LRRC4C: variants seen among roughly 807,000 people sequenced by gnomAD.
LRRC4C encodes leucine rich repeat containing 4C.
In LRRC4C, 5 loss-of-function variants were observed where a neutral mutation model predicts 33.6. The ratio of observed to expected loss-of-function variants is 0.15; its 90% CI spans 0.08 to 0.31. LRRC4C has a LOEUF of 0.31. Among genes scored for constraint, LRRC4C ranks in the 10% least tolerant of loss-of-function variants. LRRC4C has a pLI of 1.00. For missense variants in LRRC4C, 560 were observed against 796.7 expected (o/e 0.70, Z 3.58); for synonymous variants, 329 against 302.0 (o/e 1.09, Z -0.93).
At chr11:40,225,191 A>G (rs974892346) in intron 5 of LRRC4C, among the ~76,000 whole-genome samples, 9 of 152,238 alleles carry the variant, frequency 5.9e-5, no homozygotes, top group Non-Finnish European at 1.0e-4. Context: ...TTGAATAGCT[A>G]AAACTTTTGT....
chr11:41,314,244 T>C (rs1252453199), intron 1 of LRRC4C, among the ~76,000 whole-genome samples: 1 of 152,224 alleles, frequency 6.6e-6, no homozygotes, highest in Non-Finnish European at 1.5e-5. Flanking sequence ...TTTTTAAAGC[T>C]GCCCTTGAAT....
At chr11:40,197,978 T>G (rs892573830) in intron 5 of LRRC4C, among the ~76,000 whole-genome samples, 1 of 152,120 alleles carries the variant, frequency 6.6e-6, no homozygotes, top group African/African-American at 2.4e-5. Context: ...CTTATAAAAC[T>G]TACATTTAAT....
At chr11:40,246,670 G>T (rs1223870246) in intron 4 of LRRC4C, among the ~76,000 whole-genome samples, 1 of 151,836 alleles carries the variant, frequency 6.6e-6, no homozygotes. Context: ...TCTGGTTTGA[G>T]CCCTCAAATC....
intron 2 of LRRC4C, among the ~76,000 whole-genome samples, chr11:40,921,081 C>A (rs531182693): frequency 6.6e-6 from 1 of 152,130 alleles, no homozygotes; most frequent in East Asian, 1.9e-4. Flanking sequence ...CCACCAGACT[C>A]AGCTAATTTT....
intron 2 of LRRC4C, among the ~76,000 whole-genome samples, chr11:40,736,387 C>A (rs2136851702): frequency 6.6e-6 from 1 of 152,190 alleles, no homozygotes; most frequent in South Asian, 2.1e-4. Flanking sequence ...TGTGTACGAG[C>A]CACATTTTCT....
chr11:41,438,443 T>G (rs1332212482), intron 1 of LRRC4C, among the ~76,000 whole-genome samples: 1 of 152,206 alleles, frequency 6.6e-6, no homozygotes, highest in Admixed American at 6.5e-5. Context: ...ACTGAGATGG[T>G]GACCTTGTAG....
intron 1 of LRRC4C, among the ~76,000 whole-genome samples, chr11:40,940,676 G>T (rs1958099925): frequency 6.6e-6 from 1 of 152,024 alleles, no homozygotes; most frequent in Admixed American, 6.6e-5. Flanking sequence ...CTCCAGAACA[G>T]GCTACAAAGT....
At position 40,908,605 on chromosome 11, in the gene LRRC4C, C is replaced by G. The variant is rs553951450; in HGVS notation, c.-407+25030G>C. 9.2e-5 allele frequency among the ~76,000 whole-genome samples: 14 copies of G among 152,146 alleles called. 1 individual carries two copies. In the East Asian group the frequency reaches 2.5e-3, roughly 27 times the overall value. Reference sequence around the variant, plus strand: ...GAAAAAATATTACATGGTAAATAAACAAACATTTAGATGATCTTCTAAAAA... The same window carrying G: ...GAAAAAATATTACATGGTAAATAAAGAAACATTTAGATGATCTTCTAAAAA... On this transcript the variant is annotated intron_variant, in intron 2 of 6. Transcript: ENST00000528697.
intron 1 of LRRC4C, among the ~76,000 whole-genome samples, chr11:41,256,638 A>G (rs1565523388): frequency 6.6e-6 from 1 of 152,040 alleles, no homozygotes; most frequent in Non-Finnish European, 1.5e-5. Flanking sequence ...AGATTTATTC[A>G]GTTTTGGACA....
intron 3 of LRRC4C, among the ~76,000 whole-genome samples, chr11:40,509,808 T>C (rs1459936649): frequency 6.6e-6 from 1 of 152,234 alleles, no homozygotes. Flanking sequence ...ACTATAGTTA[T>C]ATATTTTGTG....
At chr11:40,553,835 T>C (rs1475688365) in intron 3 of LRRC4C, among the ~76,000 whole-genome samples, 1 of 152,236 alleles carries the variant, frequency 6.6e-6, no homozygotes, top group Non-Finnish European at 1.5e-5. Flanking sequence ...AGATTCTAGA[T>C]ATTTGTCCTT....
intron 4 of LRRC4C, among the ~76,000 whole-genome samples, chr11:40,317,913 A>G (rs553938673): frequency 6.6e-6 from 1 of 152,102 alleles, no homozygotes; most frequent in East Asian, 1.9e-4. Flanking sequence ...CAAGGAGTAG[A>G]CTCTTCCTTT....
At chr11:41,409,971 G>T (rs552814335) in intron 1 of LRRC4C, among the ~76,000 whole-genome samples, 2 of 152,028 alleles carry the variant, frequency 1.3e-5, no homozygotes, top group South Asian at 2.1e-4. Flanking sequence ...CATTTGTACC[G>T]TGTAAGAAAA....
chr11:40,831,229 A>G (rs2135547000), intron 2 of LRRC4C, among the ~76,000 whole-genome samples: 1 of 152,292 alleles, frequency 6.6e-6, no homozygotes, highest in Non-Finnish European at 1.5e-5. Context: ...AATTTCTGAA[A>G]TTGTTACTTT....
At chr11:40,631,833 A>T (rs1035246568) in intron 3 of LRRC4C, among the ~76,000 whole-genome samples, 1 of 152,168 alleles carries the variant, frequency 6.6e-6, no homozygotes, top group African/African-American at 2.4e-5. Context: ...CACTATATTT[A>T]TTTGAGCTTT....
intron 2 of LRRC4C, among the ~76,000 whole-genome samples, chr11:40,761,958 C>T (rs1949235809): frequency 6.6e-6 from 1 of 152,106 alleles, no homozygotes; most frequent in Non-Finnish European, 1.5e-5. Context: ...TACTTGAGAA[C>T]TTCATTCCAT....
rs528875811 is a variant in LRRC4C, at chr11:40,215,646, C to T, written c.-96+25873G>A. On this transcript the variant is annotated intron_variant, in intron 5 of 6. Coordinates refer to ENST00000528697, the MANE Select transcript of LRRC4C (RefSeq NM_001258419.2). ...TTAGCCCAATTAACTCAGAAACTGA[C>T]GTACAAAAACAGGCAGGAAACCCCT... is the stretch of plus-strand genomic sequence containing the variant. 1.4e-4 allele frequency among the ~76,000 whole-genome samples: 22 copies of T among 152,160 alleles called. No homozygotes were observed. In the South Asian group the frequency reaches 2.5e-3, roughly 17 times the overall value.
At chr11:40,795,188 C>G (rs1950775394) in intron 2 of LRRC4C, among the ~76,000 whole-genome samples, 1 of 152,022 alleles carries the variant, frequency 6.6e-6, no homozygotes, top group Non-Finnish European at 1.5e-5. Flanking sequence ...CAGTAATTGC[C>G]AGACATAGAA....
chr11:41,446,638 G>C (rs969532922), intron 1 of LRRC4C, among the ~76,000 whole-genome samples: 1 of 152,096 alleles, frequency 6.6e-6, no homozygotes, highest in East Asian at 1.9e-4. Flanking sequence ...TATCCTTGTA[G>C]GTTATGTAAT....
Sources: gnomAD v4.1 joint callset for allele counts (sites outside exome capture counted in the v4.1 genomes callset) on GRCh38, gnomAD v4.1.1 for gene constraint, MANE v1.5 for transcripts, NCBI Gene and HGNC (gene_info 2026-07-23, HGNC 2026-07-21) for gene names.